The following AFF3 variants were observed in gnomAD, a reference collection of about 807,000 sequenced individuals.
AFF3 encodes the protein ALF transcription elongation factor 3.
In AFF3, 32 loss-of-function variants were observed where a neutral mutation model predicts 129.7. The observed-to-expected ratio is 0.25, with a 90% CI of 0.19 to 0.33. The LOEUF is 0.33. Ranked by LOEUF, AFF3 falls within the 10% of genes least tolerant of loss-of-function variation. The pLI, the probability that AFF3 is intolerant of heterozygous loss-of-function variation, is 1.00. For synonymous variants in AFF3, 644 were observed against 635.4 expected, an observed-to-expected ratio of 1.01 and a Z score of -0.20; for missense variants, 1,373 against 1,592.0, an observed-to-expected ratio of 0.86 and a Z score of 2.34.
rs1691439832 is a variant in AFF3, at chr2:99,866,850, C to T, written c.874-29326G>A. On this transcript the variant is annotated intron_variant, in intron 7 of 24. Transcript: ENST00000672756. ...AATTAGCTGGGTGTGGTGGCACGCACCTCTAATCCCAGCTACTTGGGAGGC... is the reference window on the plus strand; with the variant it reads ...AATTAGCTGGGTGTGGTGGCACGCATCTCTAATCCCAGCTACTTGGGAGGC... Among the ~76,000 whole-genome samples, 2 of 151,444 alleles carry T rather than the reference C, an allele frequency of 1.3e-5. 1 individual carries two copies. Among genetic ancestry groups the T allele is most frequent in the South Asian group, 4.2e-4 (2 of 4,800 alleles).
intron 4 of AFF3, among the ~76,000 whole-genome samples, chr2:100,009,139 C>T (rs1682269990): frequency 6.6e-6 from 1 of 152,134 alleles, no homozygotes; most frequent in Non-Finnish European, 1.5e-5. Flanking sequence ...ATCCTTAGGA[C>T]CAGTTCCAAC....
At chr2:99,559,481 T>C (rs1675275314) in intron 21 of AFF3, among the ~76,000 whole-genome samples, 1 of 152,270 alleles carries the variant, frequency 6.6e-6, no homozygotes, top group Admixed American at 6.5e-5. Context: ...AAAAACACTA[T>C]GCTGGGAATA....
intron 4 of AFF3, among the ~76,000 whole-genome samples, chr2:100,041,640 G>A (rs1685441261): frequency 2.6e-5 from 4 of 152,246 alleles, no homozygotes; most frequent in South Asian, 2.1e-4. Context: ...AAATTAAGAG[G>A]AGACCCTGAG....
At chr2:99,753,464 C>G (rs1461917164) in intron 8 of AFF3, among the ~76,000 whole-genome samples, 1 of 152,150 alleles carries the variant, frequency 6.6e-6, no homozygotes, top group African/African-American at 2.4e-5. Context: ...GTGGTCGATC[C>G]ATTTTCAGAA....
intron 4 of AFF3, among the ~76,000 whole-genome samples, chr2:100,020,173 G>A (rs567393579): frequency 5.0e-4 from 76 of 151,716 alleles, no homozygotes; most frequent in Admixed American, 9.8e-4. Context: ...GGGGCAATCC[G>A]TGGATGCTTT....
At chr2:99,969,832 C>T (rs915417656) in intron 7 of AFF3, among the ~76,000 whole-genome samples, 5 of 152,170 alleles carry the variant, frequency 3.3e-5, no homozygotes, top group Non-Finnish European at 5.9e-5. Flanking sequence ...AAAATTAACA[C>T]CTACCAATAC....
At chr2:100,033,437 C>A (rs569482120) in intron 4 of AFF3, among the ~76,000 whole-genome samples, 31 of 152,278 alleles carry the variant, frequency 2.0e-4, no homozygotes, top group Non-Finnish European at 4.1e-4. Flanking sequence ...ATCGTTACTT[C>A]TATATGAAAC....
At chr2:99,832,088 A>G (rs1387621547) in intron 8 of AFF3, among the ~76,000 whole-genome samples, 1 of 152,166 alleles carries the variant, frequency 6.6e-6, no homozygotes, top group Non-Finnish European at 1.5e-5. Context: ...AAACTATGAA[A>G]CCTTTGCATA....
chr2:99,642,329 G>C (rs930179008), intron 13 of AFF3, among the ~76,000 whole-genome samples: 5 of 149,408 alleles, frequency 3.3e-5, no homozygotes, highest in Non-Finnish European at 5.9e-5. Context: ...CTTTTGGACT[G>C]AGTTTTTTTC....
intron 18 of AFF3, among the ~76,000 whole-genome samples, chr2:99,576,390 T>C (rs1476935848): frequency 6.6e-6 from 1 of 151,166 alleles, no homozygotes; most frequent in Non-Finnish European, 1.5e-5. Flanking sequence ...GTAGCATGCA[T>C]CTGTAGACCC....
intron 7 of AFF3, among the ~76,000 whole-genome samples, chr2:99,970,605 C>A (rs933745944): frequency 3.3e-5 from 5 of 152,224 alleles, no homozygotes; most frequent in Non-Finnish European, 7.3e-5. Context: ...CCTCTCCAGG[C>A]ATGGGACAGT....
chr2:99,933,984 T>C (rs923454303), intron 7 of AFF3, among the ~76,000 whole-genome samples: 2 of 152,118 alleles, frequency 1.3e-5, no homozygotes, highest in Admixed American at 6.5e-5. Flanking sequence ...CACTGCATAA[T>C]ATCCACCATG....
intron 8 of AFF3, among the ~76,000 whole-genome samples, chr2:99,757,197 G>A (rs765954001): frequency 3.9e-5 from 6 of 152,112 alleles, no homozygotes; most frequent in Non-Finnish European, 8.8e-5. Flanking sequence ...AAAACCATGT[G>A]GTATGCTGGT....
Position 99,806,784 on chromosome 2 carries a change from T to C in AFF3, c.921+30693A>G, listed in dbSNP as rs111534247. Among the ~76,000 whole-genome samples, 1,069 of 152,316 alleles carry C rather than the reference T, an allele frequency of 7.0e-3. 12 individuals carry two copies. The highest frequency in any genetic ancestry group is 0.025 in the African/African-American group (1,035 of 41,574). ...AAGATGACTGGAGCCCAGCACAGTGTATGGCAAACAGTAGGCGCTCTGTGT... is the reference window on the plus strand; with the variant it reads ...AAGATGACTGGAGCCCAGCACAGTGCATGGCAAACAGTAGGCGCTCTGTGT... On this transcript the variant is annotated intron_variant, in intron 8 of 24. Transcript: ENST00000672756.
intron 7 of AFF3, among the ~76,000 whole-genome samples, chr2:99,874,437 T>C (rs1427396486): frequency 6.6e-6 from 1 of 152,172 alleles, no homozygotes; most frequent in Non-Finnish European, 1.5e-5. Flanking sequence ...TCAACGTGGT[T>C]TTCAAAAACG....
chr2:99,745,255 T>C (rs189746279), intron 9 of AFF3, among the ~76,000 whole-genome samples: 77 of 152,308 alleles, frequency 5.1e-4, no homozygotes, highest in Non-Finnish European at 9.4e-4. Context: ...GAGTTCTTGA[T>C]ATAGTTTGGA....
intron 1 of AFF3, among the ~76,000 whole-genome samples, chr2:100,132,926 C>A (rs1027245139): frequency 2.1e-4 from 32 of 149,782 alleles, no homozygotes; most frequent in Admixed American, 1.9e-3. Flanking sequence ...TCTCAATGTT[C>A]TGTTTTTGTT....
intron 8 of AFF3, among the ~76,000 whole-genome samples, chr2:99,757,135 C>T (rs10168394): frequency 2.0e-5 from 3 of 152,088 alleles, no homozygotes; most frequent in African/African-American, 4.8e-5. Context: ...TTGTGTTCAG[C>T]CTTCCTCTCA....
chr2:100,048,518 T>G (rs1402357539), intron 4 of AFF3, among the ~76,000 whole-genome samples: 1 of 152,252 alleles, frequency 6.6e-6, no homozygotes, highest in Non-Finnish European at 1.5e-5. Flanking sequence ...AGTGTATGAT[T>G]TAATTAGTGA....
Sources: allele counts gnomAD v4.1 joint callset (sites outside exome capture counted in the v4.1 genomes callset), GRCh38; gene constraint gnomAD v4.1.1; transcripts MANE v1.5; gene names NCBI Gene and HGNC (gene_info 2026-07-23, HGNC 2026-07-21).